Variants in PCM1 observed in about 807,000 individuals in gnomAD.
PCM1 encodes the protein pericentriolar material 1, also known as pericentriolar material 1 protein.
In PCM1, 157 loss-of-function variants were observed where a neutral mutation model predicts 241.9. The ratio of observed to expected loss-of-function variants is 0.65; its 90% CI spans 0.57 to 0.74. The LOEUF is 0.74. Ranked by LOEUF, PCM1 falls within the 30% of genes least tolerant of loss-of-function variation. The pLI is 0.00. For synonymous variants in PCM1, 1,085 were observed against 784.9 expected, an observed-to-expected ratio of 1.38 and a Z score of -6.39; for missense variants, 3,478 against 2,360.1, an observed-to-expected ratio of 1.47 and a Z score of -9.81.
At chr8:17,992,865 C>T (rs887734767) in intron 28 of PCM1, among the ~76,000 whole-genome samples, 1 of 151,782 alleles carries the variant, frequency 6.6e-6, no homozygotes, top group Non-Finnish European at 1.5e-5. Context: ...GATCTGCCCA[C>T]CTCAGCCTCC....
At position 17,986,062 on chromosome 8, in the gene PCM1, G is replaced by C. The variant is rs752945517; in HGVS notation, c.4385G>C (p.Ser1462Thr). Reference sequence around the variant, plus strand: ...GCATCAAACTCAGAACTTACTCCTAGTGAGAGCCTTGCTACTACTGATGAT... The same window carrying C: ...GCATCAAACTCAGAACTTACTCCTACTGAGAGCCTTGCTACTACTGATGAT... ...WIASNSELTP[S>T]ESLATTDDET... is the part of the protein sequence containing the mutation. Residue 1462 changes from serine (S) to threonine (T), a missense_variant, in exon 26 of 39, where the codon AGT becomes ACT. By Grantham distance (58) the Ser-to-Thr change is moderately conservative. Coordinates refer to ENST00000325083, the MANE Select transcript of PCM1 (RefSeq NM_006197.4). 1.3e-6 allele frequency: 2 copies of C among 1,595,660 alleles called. No homozygotes were observed. The highest frequency in any genetic ancestry group is 1.7e-6 in the Non-Finnish European group (2 of 1,170,466).
intron 29 of PCM1, among the ~76,000 whole-genome samples, chr8:18,003,106 C>T (rs138133482): frequency 6.6e-6 from 1 of 152,188 alleles, no homozygotes; most frequent in Non-Finnish European, 1.5e-5. Flanking sequence ...TGCTTGCACG[C>T]CACCTTTAAC....
chr8:18,011,256 C>A lies in PCM1; in HGVS notation c.5240C>A (p.Thr1747Lys). The change falls in exon 33 of 39, where the codon ACA (threonine) becomes AAA (lysine). Residue 1747 changes from threonine (T) to lysine (K), a missense_variant. Thr to Lys is a moderately conservative substitution (Grantham distance 78, BLOSUM62 -1). Coordinates refer to ENST00000325083, the MANE Select transcript of PCM1 (RefSeq NM_006197.4). ...DEDKDKDETE[T>K]VKQTQTSEVY... The stretch of plus-strand genomic sequence containing the variant: ...GTCTAGGACAAGGATGAAACTGAAA[C>A]AGTTAAGCAGACTCAAACATCTGAG... The A allele has an allele frequency of 6.2e-7, 1 of 1,604,596 alleles. No homozygotes were observed. The highest frequency in any genetic ancestry group is 8.5e-7 in the Non-Finnish European group (1 of 1,175,404).
chr8:17,972,948 T>C (rs1250582299), intron 23 of PCM1, among the ~76,000 whole-genome samples: 2 of 152,198 alleles, frequency 1.3e-5, no homozygotes, highest in African/African-American at 4.8e-5. Flanking sequence ...TTTTGTAGAT[T>C]ATTGAAAAAT....
Position 18,027,698 on chromosome 8 carries a change from A to C in PCM1, c.*36A>C. 1 of 1,484,064 alleles carries C rather than the reference A, an allele frequency of 6.7e-7. No homozygotes were observed. Among genetic ancestry groups the C allele is most frequent in the Non-Finnish European group, 9.3e-7 (1 of 1,071,316 alleles). The allele number at this position is 1,484,064 out of a possible 1,614,324, so 91.9% of individuals were successfully genotyped here. Reference sequence around the variant, plus strand: ...GAGGCTCATCTAACTCTGTCCTTACATACTCAATGCATATATGAAAACAAT... The same window carrying C: ...GAGGCTCATCTAACTCTGTCCTTACCTACTCAATGCATATATGAAAACAAT... On this transcript the variant is annotated 3_prime_UTR_variant, in exon 39 of 39. Coordinates refer to ENST00000325083, the MANE Select transcript of PCM1 (RefSeq NM_006197.4).
At chr8:17,979,132 A>AG (rs1009790898) in intron 23 of PCM1, among the ~76,000 whole-genome samples, 5 of 148,642 alleles carry the variant, frequency 3.4e-5, no homozygotes, top group African/African-American at 1.0e-4. Flanking sequence ...TCAAAAGAAA[A>AG]GAAAAAAAAA....
At chr8:18,019,923 G>A (rs1053395642) in intron 36 of PCM1, among the ~76,000 whole-genome samples, 4 of 152,052 alleles carry the variant, frequency 2.6e-5, no homozygotes, top group Admixed American at 6.6e-5. Flanking sequence ...ACAATCCAAG[G>A]GTTCCCTAGG....
chr8:17,982,672 T>A (rs2081291562), intron 24 of PCM1: 1 of 152,126 alleles, frequency 6.6e-6, no homozygotes, highest in Non-Finnish European at 1.5e-5. Flanking sequence ...TTTTTTGTAT[T>A]TTTAGTAGAG....
At chr8:18,009,424 A>G in intron 30 of PCM1, 123 bp from the exon 31 acceptor site, 2 of 658,366 alleles carry the variant, frequency 3.0e-6, no homozygotes, top group Non-Finnish European at 5.2e-6. Context: ...TAGTAATACT[A>G]ACAACCTATC....
chr8:17,926,053 C>G (rs1003845409), intron 2 of PCM1: 1 of 150,510 alleles, frequency 6.6e-6, no homozygotes, highest in East Asian at 1.9e-4. Context: ...AAATGGAACT[C>G]AAGGGAAAGG....
chr8:18,019,074 C>T (rs569631438), intron 36 of PCM1, among the ~76,000 whole-genome samples: 1 of 152,056 alleles, frequency 6.6e-6, no homozygotes, highest in South Asian at 2.1e-4. Context: ...TTTCTTTCCT[C>T]TGCCTTTTTC....
intron 9 of PCM1, 87 bp downstream of exon 9, chr8:17,953,273 A>G (rs2066764305): frequency 8.0e-6 from 5 of 622,856 alleles, no homozygotes; most frequent in Admixed American, 6.5e-5. Flanking sequence ...TGGTGAATGA[A>G]CACATAGCTC....
intron 24 of PCM1, among the ~76,000 whole-genome samples, chr8:17,983,651 T>G (rs2081682691): frequency 6.6e-6 from 1 of 152,166 alleles, no homozygotes; most frequent in South Asian, 2.1e-4. Context: ...TCTTTCCATT[T>G]CAGTCAGCAT....
chr8:17,951,297 A>G (rs1353440425), intron 8 of PCM1, among the ~76,000 whole-genome samples: 4 of 152,220 alleles, frequency 2.6e-5, no homozygotes, highest in African/African-American at 9.7e-5. Context: ...AGTGAGTATG[A>G]TTGAAGATGC....
intron 24 of PCM1, among the ~76,000 whole-genome samples, chr8:17,984,739 T>G (rs937315082): frequency 2.0e-5 from 3 of 151,994 alleles, no homozygotes; most frequent in African/African-American, 4.8e-5. Context: ...GTAATAATTT[T>G]GTGTTATCAA....
At chr8:17,942,574 G>T (rs2062456063) in intron 6 of PCM1, among the ~76,000 whole-genome samples, 2 of 152,020 alleles carry the variant, frequency 1.3e-5, no homozygotes, top group African/African-American at 4.8e-5. Context: ...AAATTATCCA[G>T]TTGACTTGGT....
intron 2 of PCM1, among the ~76,000 whole-genome samples, chr8:17,934,384 C>A (rs977208688): frequency 2.6e-5 from 4 of 151,914 alleles, no homozygotes; most frequent in Admixed American, 2.0e-4. Context: ...GCCTCAGCCT[C>A]CCGAGTAGCT....
rs542106725 is a variant in PCM1, at chr8:17,997,414, C to T, written c.4827+3795C>T. Among the ~76,000 whole-genome samples, 7 of 152,222 alleles carry T rather than the reference C, an allele frequency of 4.6e-5. No individual in the cohort carries two copies. In the South Asian group the frequency reaches 1.5e-3, roughly 32 times the overall value. On this transcript the variant is annotated intron_variant, in intron 29 of 38. Coordinates refer to ENST00000325083, the MANE Select transcript of PCM1 (RefSeq NM_006197.4). ...CCTGGTTTTCTGTAACCTTCTTGTA[C>T]TTGAATGTTGTTAAGCTTACTACCT...
chr8:17,935,592 G>C lies in PCM1; in HGVS notation c.-19G>C, dbSNP rs761149854. 1.2e-5 allele frequency: 13 copies of C among 1,127,472 alleles called. No homozygotes were observed. The highest frequency in any genetic ancestry group is 1.5e-5 in the African/African-American group (1 of 65,846). 69.8% of individuals were successfully genotyped at this position (1,127,472 alleles called of 1,614,324 possible). A position where few individuals can be genotyped will look rare whatever the true frequency, so the allele number is the denominator to read the frequency against. On this transcript the variant is annotated 5_prime_UTR_variant, in exon 3 of 39. Transcript: ENST00000325083. The stretch of plus-strand genomic sequence containing the variant: ...CAGTTCTTAACTTGTTTCGCAGAGA[G>C]TTAATTGTTAAATCCAGTATGGCCA...
Sources: allele counts gnomAD v4.1 joint callset (sites outside exome capture counted in the v4.1 genomes callset), GRCh38; gene constraint gnomAD v4.1.1; transcripts MANE v1.5; gene names NCBI Gene and HGNC (gene_info 2026-07-23, HGNC 2026-07-21).